Variants in CREB5 observed in about 807,000 individuals in gnomAD.
CREB5 encodes the protein cyclic AMP-responsive element-binding protein 5.
Under a neutral mutation model 57.1 loss-of-function variants are expected in CREB5, and 19 were observed. The observed-to-expected ratio is 0.33, with a 90% CI of 0.23 to 0.49. CREB5 has a LOEUF of 0.49. CREB5 is among the 20% of genes least tolerant of loss of function. The pLI is 0.99. For missense variants in CREB5, 579 were observed against 671.6 expected, an observed-to-expected ratio of 0.86 and a Z score of 1.52; for synonymous variants, 238 against 238.3, an observed-to-expected ratio of 1.00 and a Z score of 0.01.
intron 1 of CREB5, among the ~76,000 whole-genome samples, chr7:28,471,712 G>A (rs1790817144): frequency 6.6e-6 from 1 of 152,192 alleles, no homozygotes; most frequent in African/African-American, 2.4e-5. Flanking sequence ...GAGTGAGGCA[G>A]GCCCTGCAGA....
intron 4 of CREB5, among the ~76,000 whole-genome samples, chr7:28,539,681 ATCAGTAGG>A (rs1264636367): frequency 6.6e-6 from 1 of 152,162 alleles, no homozygotes; most frequent in Admixed American, 6.5e-5. Flanking sequence ...CTGCTCCCTA[ATCAGTAGG>A]TTAGCCTAAC....
intron 1 of CREB5, among the ~76,000 whole-genome samples, chr7:28,425,155 A>G (rs28500673): frequency 0.1 from 15,224 of 152,140 alleles, 2,028 homozygotes; most frequent in African/African-American, 0.3. Context: ...ATCACTACCT[A>G]TCAGGGTTAC....
intron 7 of CREB5, among the ~76,000 whole-genome samples, chr7:28,760,709 A>C (rs1392538513): frequency 2.0e-5 from 3 of 152,182 alleles, no homozygotes; most frequent in African/African-American, 7.2e-5. Flanking sequence ...GACAAGAAGG[A>C]GTAATAAAAG....
chr7:28,325,282 C>T (rs1322676601), intron 1 of CREB5, among the ~76,000 whole-genome samples: 1 of 152,064 alleles, frequency 6.6e-6, no homozygotes, highest in South Asian at 2.1e-4. Flanking sequence ...GGTGAAACCC[C>T]GTCTCTACTA....
intron 5 of CREB5, among the ~76,000 whole-genome samples, chr7:28,682,693 GGA>G (rs201509148): frequency 0.11 from 16,466 of 150,714 alleles, 1,006 homozygotes; most frequent in African/African-American, 0.12. Context: ...GGGGGGGGGG[GGA>G]AACCCCAGCT....
At chr7:28,400,378 A>G (rs1204716766) in intron 1 of CREB5, among the ~76,000 whole-genome samples, 1 of 152,236 alleles carries the variant, frequency 6.6e-6, no homozygotes, top group Non-Finnish European at 1.5e-5. Context: ...CTTGACCCAG[A>G]GTGGGTGCTC....
intron 5 of CREB5, among the ~76,000 whole-genome samples, chr7:28,635,955 C>A (rs778731697): frequency 5.3e-5 from 8 of 152,148 alleles, no homozygotes; most frequent in Non-Finnish European, 1.2e-4. Context: ...AAAGCATATC[C>A]AGCAACTTCT....
intron 1 of CREB5, among the ~76,000 whole-genome samples, chr7:28,383,911 T>A (rs1250229196): frequency 6.6e-6 from 1 of 152,246 alleles, no homozygotes; most frequent in Non-Finnish European, 1.5e-5. Context: ...ACTTAATATT[T>A]AAATTTTACT....
intron 5 of CREB5, among the ~76,000 whole-genome samples, chr7:28,580,379 T>TG (rs142282781): frequency 0.09 from 12,724 of 142,098 alleles, 915 homozygotes; most frequent in African/African-American, 0.19. Flanking sequence ...TCTGTGTGTG[T>TG]GGGGGGGGCA....
intron 1 of CREB5, among the ~76,000 whole-genome samples, chr7:28,328,999 T>C (rs1785664140): frequency 6.6e-6 from 1 of 152,230 alleles, no homozygotes; most frequent in African/African-American, 2.4e-5. Context: ...GAGAGGTATG[T>C]GTCATCTGTT....
intron 8 of CREB5, among the ~76,000 whole-genome samples, chr7:28,807,626 C>CATTCTGATTGATTT (rs1300737898): frequency 1.3e-5 from 2 of 152,064 alleles, no homozygotes; most frequent in African/African-American, 4.8e-5. Flanking sequence ...CAATTACAGT[C>CATTCTGATTGATTT]ATTCTGATTG....
At chr7:28,753,664 A>G (rs911347415) in intron 7 of CREB5, among the ~76,000 whole-genome samples, 17 of 152,180 alleles carry the variant, frequency 1.1e-4, no homozygotes, top group African/African-American at 4.1e-4. Context: ...AATGGCATGC[A>G]CTTGTTGAAT....
At chr7:28,405,967 A>T (rs1787571181) in intron 1 of CREB5, among the ~76,000 whole-genome samples, 16 of 152,214 alleles carry the variant, frequency 1.1e-4, no homozygotes, top group Admixed American at 1.0e-3. Flanking sequence ...CGTCTGACTC[A>T]AGAAACTGAC....
intron 1 of CREB5, among the ~76,000 whole-genome samples, chr7:28,300,730 A>AT (rs1333396412): frequency 6.6e-6 from 1 of 152,178 alleles, no homozygotes; most frequent in Admixed American, 6.5e-5. Flanking sequence ...AACTAATATG[A>AT]TTTTTTTATA....
chr7:28,560,875 C>CGCGCGTGTGT (rs1795127001), intron 4 of CREB5, among the ~76,000 whole-genome samples: 1 of 19,220 alleles, frequency 5.2e-5, no homozygotes, highest in Non-Finnish European at 9.9e-5. Flanking sequence ...CCTGCGTGCG[C>CGCGCGTGTGT]GTGCGTGCGT....
chr7:28,590,672 TATAATAATAATAATAATA>T (rs71555752), intron 5 of CREB5, among the ~76,000 whole-genome samples: 7 of 142,964 alleles, frequency 4.9e-5, no homozygotes, highest in African/African-American at 1.3e-4. Context: ...GAACTTAAAG[TATAATAATAATAATAATA>T]ATAATAATAA....
chr7:28,528,406 C>A (rs1793541172), intron 4 of CREB5, among the ~76,000 whole-genome samples: 1 of 152,178 alleles, frequency 6.6e-6, no homozygotes, highest in African/African-American at 2.4e-5. Context: ...CTTCAGTGTG[C>A]TATACAAATG....
intron 5 of CREB5, among the ~76,000 whole-genome samples, chr7:28,628,479 A>G (rs1798084566): frequency 6.6e-6 from 1 of 152,144 alleles, no homozygotes; most frequent in Admixed American, 6.5e-5. Flanking sequence ...CAAGGAAAAT[A>G]AACAGGCTTC....
At chr7:28,647,159 A>T (rs1191968024) in intron 5 of CREB5, among the ~76,000 whole-genome samples, 1 of 151,400 alleles carries the variant, frequency 6.6e-6, no homozygotes, top group Admixed American at 6.6e-5. Context: ...GCTCCAGATG[A>T]CCAGCAGTGA....
Sources: allele counts gnomAD v4.1 joint callset (sites outside exome capture counted in the v4.1 genomes callset), GRCh38; gene constraint gnomAD v4.1.1; transcripts MANE v1.5; gene names NCBI Gene and HGNC (gene_info 2026-07-23, HGNC 2026-07-21).